The following FAM107B variants were observed in gnomAD, a reference collection of about 807,000 sequenced individuals.
FAM107B encodes the protein family with sequence similarity 107 member B.
Under a neutral mutation model 31.5 loss-of-function variants are expected in FAM107B, and 21 were observed. The observed-to-expected ratio is 0.67, with a 90% confidence interval of 0.47 to 0.96. The LOEUF (loss-of-function observed/expected upper bound fraction) is 0.96, where lower values mean the gene tolerates loss of function less well. FAM107B is among the 40% of genes least tolerant of loss of function. FAM107B has a pLI of 0.00. For synonymous variants in FAM107B, 157 were observed against 141.5 expected (o/e 1.11, Z -0.78); for missense variants, 452 against 377.1 (o/e 1.20, Z -1.64).
intron 2 of FAM107B, among the ~76,000 whole-genome samples, chr10:14,565,361 A>C (rs1468743706): frequency 6.6e-6 from 1 of 152,126 alleles, no homozygotes; most frequent in East Asian, 1.9e-4. Flanking sequence ...CAAGGGGAGA[A>C]CCCTCGGCAG....
At chr10:14,561,067 G>T (rs1234999996) in intron 2 of FAM107B, among the ~76,000 whole-genome samples, 1 of 152,216 alleles carries the variant, frequency 6.6e-6, no homozygotes, top group African/African-American at 2.4e-5. Flanking sequence ...TCTGTCTTTT[G>T]AAGGGAGCCG....
At chr10:14,649,625 G>A (rs562210254) in intron 2 of FAM107B, among the ~76,000 whole-genome samples, 1 of 152,114 alleles carries the variant, frequency 6.6e-6, no homozygotes, top group East Asian at 1.9e-4. Flanking sequence ...ATCCACCTGT[G>A]ACCTGGACAC....
chr10:14,702,855 A>G (rs1855432670), intron 1 of FAM107B, among the ~76,000 whole-genome samples: 2 of 152,114 alleles, frequency 1.3e-5, no homozygotes, highest in African/African-American at 4.8e-5. Context: ...CTACAGAAAG[A>G]CCAGACAGAC....
rs528441973 is a variant in FAM107B, at chr10:14,755,572, C to G, written c.411+18681G>C. Among the ~76,000 whole-genome samples the G allele has an allele frequency of 2.6e-5, 4 of 151,970 alleles. No individual in the cohort carries two copies. In the East Asian group the frequency reaches 5.8e-4, roughly 22 times the overall value. On this transcript the variant is annotated intron_variant, in intron 1 of 4. Coordinates refer to ENST00000181796, the MANE Select transcript of FAM107B (RefSeq NM_031453.4). ...GCTCTGTAGACACCATGCTACACAC[C>G]ATCATCCTCAATTTAATCCTGTCAA...
chr10:14,557,807 T>C (rs572037622), intron 2 of FAM107B, among the ~76,000 whole-genome samples: 150 of 152,264 alleles, frequency 9.9e-4, no homozygotes, highest in African/African-American at 3.5e-3. Flanking sequence ...GGTGATGCCA[T>C]TGGAGGGGCC....
intron 1 of FAM107B, among the ~76,000 whole-genome samples, chr10:14,757,586 G>C (rs1245733777): frequency 6.6e-6 from 1 of 152,224 alleles, no homozygotes; most frequent in Non-Finnish European, 1.5e-5. Flanking sequence ...TGAGAGGGCA[G>C]TCTGTGTGAT....
intron 3 of FAM107B, among the ~76,000 whole-genome samples, chr10:14,522,510 G>A (rs759749650): frequency 2.6e-5 from 4 of 151,894 alleles, no homozygotes; most frequent in Non-Finnish European, 4.4e-5. Context: ...CCGCCTCCCA[G>A]GTTCAAGCAA....
intron 1 of FAM107B, among the ~76,000 whole-genome samples, chr10:14,759,293 C>T (rs927151122): frequency 2.8e-4 from 43 of 152,168 alleles, no homozygotes; most frequent in African/African-American, 9.7e-4. Context: ...ACAAACAGTG[C>T]CAGCAGACTG....
chr10:14,635,702 G>A lies in FAM107B; in HGVS notation c.469+31932C>T, dbSNP rs1188023319. Among the ~76,000 whole-genome samples the A allele has an allele frequency of 4.6e-5, 7 of 152,168 alleles. No individual in the cohort carries two copies. The South Asian group carries it at 1.5e-3, about 32-fold the overall frequency. ...GCTGGAGTACAGTGGCGTGATCTCA[G>A]CTCACTGAAACCTCCACCTCCTGGG... On this transcript the variant is annotated intron_variant, in intron 2 of 4. Coordinates refer to ENST00000181796, the MANE Select transcript of FAM107B (RefSeq NM_031453.4).
At chr10:14,690,023 A>AAGGAAGGAAGGAAGGAAGGG (rs1422589399) in intron 1 of FAM107B, among the ~76,000 whole-genome samples, 1 of 67,998 alleles carries the variant, frequency 1.5e-5, no homozygotes, top group East Asian at 5.9e-4. Flanking sequence ...GGAAGGAAGG[A>AAGGAAGGAAGGAAGGAAGGG]AGGGAGGGAG....
At chr10:14,604,288 C>A (rs919698405) in intron 2 of FAM107B, 1 of 979,244 alleles carries the variant, frequency 1.0e-6, no homozygotes, top group Non-Finnish European at 1.2e-6. Flanking sequence ...TCGCTCCCGG[C>A]GCCCGCGGCG....
At chr10:14,727,632 A>G (rs1320823924) in intron 1 of FAM107B, among the ~76,000 whole-genome samples, 1 of 152,208 alleles carries the variant, frequency 6.6e-6, no homozygotes, top group Non-Finnish European at 1.5e-5. Flanking sequence ...TGTGTTTTAC[A>G]TTCTTCTTAG....
intron 1 of FAM107B, among the ~76,000 whole-genome samples, chr10:14,763,223 C>G (rs1429471493): frequency 6.6e-6 from 1 of 152,176 alleles, no homozygotes; most frequent in African/African-American, 2.4e-5. Flanking sequence ...GATGGCACCA[C>G]TGCACTCCAG....
At chr10:14,647,720 C>T (rs1853793686) in intron 2 of FAM107B, among the ~76,000 whole-genome samples, 1 of 147,162 alleles carries the variant, frequency 6.8e-6, no homozygotes, top group African/African-American at 2.5e-5. Flanking sequence ...CTAATTCAAA[C>T]AGTAATATGG....
At chr10:14,627,107 C>G (rs1316904736) in intron 2 of FAM107B, among the ~76,000 whole-genome samples, 2 of 152,114 alleles carry the variant, frequency 1.3e-5, no homozygotes, top group East Asian at 3.9e-4. Flanking sequence ...CACTGGTGGA[C>G]CTAGTTCCTG....
intron 1 of FAM107B, among the ~76,000 whole-genome samples, chr10:14,737,016 A>G (rs141958841): frequency 1.3e-5 from 2 of 152,274 alleles, no homozygotes; most frequent in East Asian, 3.9e-4. Flanking sequence ...GGCGGGGAGT[A>G]TGAAGGCTTG....
chr10:14,569,477 G>A lies in FAM107B; in HGVS notation c.470-38962C>T, dbSNP rs142358669. 2.9e-3 allele frequency among the ~76,000 whole-genome samples: 445 copies of A among 152,142 alleles called. 1 individual carries two copies. Among genetic ancestry groups the A allele is most frequent in the African/African-American group, 9.8e-3 (408 of 41,490 alleles). Reference sequence around the variant, plus strand: ...TAACATGTGGTGATCTAAGTCCTCCGGAAGCTAGACAGACTCAACATATTG... The same window carrying A: ...TAACATGTGGTGATCTAAGTCCTCCAGAAGCTAGACAGACTCAACATATTG... On this transcript the variant is annotated intron_variant, in intron 2 of 4. Transcript: ENST00000181796.
intron 1 of FAM107B, among the ~76,000 whole-genome samples, chr10:14,710,131 A>G (rs1006881826): frequency 6.6e-6 from 1 of 152,206 alleles, no homozygotes; most frequent in Non-Finnish European, 1.5e-5. Flanking sequence ...AATGTATCAC[A>G]CTAATATCAG....
chr10:14,522,285 G>C (rs924427800), intron 3 of FAM107B: 2 of 419,880 alleles, frequency 4.8e-6, no homozygotes, highest in Non-Finnish European at 8.5e-6. Flanking sequence ...ACTAGGCTAC[G>C]CAAAGGAGGG....
Sources: gnomAD v4.1 joint callset for allele counts (sites outside exome capture counted in the v4.1 genomes callset) on GRCh38, gnomAD v4.1.1 for gene constraint, MANE v1.5 for transcripts, NCBI Gene and HGNC (gene_info 2026-07-23, HGNC 2026-07-21) for gene names.